The following SYT14 variants were observed in gnomAD, a reference collection of about 807,000 sequenced individuals.
SYT14 encodes synaptotagmin 14, also known as synaptotagmin-14.
In SYT14, 32 loss-of-function variants were observed where a neutral mutation model predicts 74.2. That is an observed-to-expected ratio of 0.43 (90% CI 0.33 to 0.58). The LOEUF (loss-of-function observed/expected upper bound fraction) is 0.58, where lower values mean the gene tolerates loss of function less well. Ranked by LOEUF, SYT14 falls within the 20% of genes least tolerant of loss-of-function variation. The pLI is 0.05. For missense variants in SYT14, 791 were observed against 981.8 expected, an observed-to-expected ratio of 0.81 and a Z score of 2.60; for synonymous variants, 298 against 337.7, an observed-to-expected ratio of 0.88 and a Z score of 1.29.
intron 7 of SYT14, among the ~76,000 whole-genome samples, chr1:210,144,619 G>C (rs1456785540): frequency 6.6e-6 from 1 of 151,862 alleles, no homozygotes; most frequent in East Asian, 1.9e-4. Context: ...ACCACTGTTG[G>C]AAAACCAATA....
At chr1:210,161,059 G>GC in exon 10 of SYT14, 1 of 1,612,258 alleles carries the variant, frequency 6.2e-7, no homozygotes, top group Non-Finnish European at 8.5e-7. Flanking sequence ...GAATAAGCAA[G>GC]CAGTTACCAT....
At chr1:210,017,166 A>C in intron 4 of SYT14, 2 of 1,103,096 alleles carry the variant, frequency 1.8e-6, no homozygotes, top group Non-Finnish European at 2.3e-6. Context: ...TTAGTAAAAC[A>C]TCATCCAAAT....
At chr1:209,969,880 T>A (rs950609336) in intron 2 of SYT14, among the ~76,000 whole-genome samples, 2 of 152,178 alleles carry the variant, frequency 1.3e-5, no homozygotes, top group South Asian at 4.1e-4. Context: ...AAGTGTCTGT[T>A]TATGTCTTTG....
At chr1:210,155,275 T>C (rs1281080768) in intron 7 of SYT14, among the ~76,000 whole-genome samples, 1 of 152,238 alleles carries the variant, frequency 6.6e-6, no homozygotes, top group Non-Finnish European at 1.5e-5. Context: ...TTTCAACTTT[T>C]CTATATCTCT....
At chr1:210,120,094 T>TTA (rs919782759) in intron 7 of SYT14, among the ~76,000 whole-genome samples, 6 of 152,188 alleles carry the variant, frequency 3.9e-5, no homozygotes, top group Non-Finnish European at 8.8e-5. Flanking sequence ...CTTTTTATAG[T>TTA]CAGTCACTTT....
At chr1:210,013,286 G>A (rs775726670) in intron 2 of SYT14, among the ~76,000 whole-genome samples, 10 of 151,918 alleles carry the variant, frequency 6.6e-5, no homozygotes, top group Non-Finnish European at 1.0e-4. Flanking sequence ...GGCCAGGCTC[G>A]TCTTGAGCTC....
At chr1:210,082,191 T>C (rs1246810435) in intron 5 of SYT14, among the ~76,000 whole-genome samples, 5 of 152,170 alleles carry the variant, frequency 3.3e-5, no homozygotes, top group Non-Finnish European at 5.9e-5. Flanking sequence ...GGTGCATATT[T>C]GAGTTTTAAG....
intron 1 of SYT14, among the ~76,000 whole-genome samples, chr1:209,950,489 C>CT (rs2078895025): frequency 6.6e-6 from 1 of 152,138 alleles, no homozygotes; most frequent in South Asian, 2.1e-4. Flanking sequence ...AGTTAGCACT[C>CT]TATTTTTCAC....
intron 2 of SYT14, among the ~76,000 whole-genome samples, chr1:210,003,183 C>G (rs573029694): frequency 6.6e-6 from 1 of 152,316 alleles, no homozygotes; most frequent in East Asian, 1.9e-4. Flanking sequence ...ATCCCTCACT[C>G]ACCCACTGCT....
At chr1:210,015,867 G>T in exon 4 of SYT14, 1 of 1,210,636 alleles carries the variant, frequency 8.3e-7, no homozygotes, top group Non-Finnish European at 1.0e-6. Flanking sequence ...AAGATTAAAA[G>T]CTACAATGTG....
chr1:210,124,914 C>G (rs546452430), intron 7 of SYT14, among the ~76,000 whole-genome samples: 2 of 150,836 alleles, frequency 1.3e-5, no homozygotes, highest in African/African-American at 4.9e-5. Context: ...GTTTGAGATT[C>G]TGTAGCATTC....
intron 8 of SYT14, among the ~76,000 whole-genome samples, chr1:210,157,126 T>C (rs1030195186): frequency 1.3e-5 from 2 of 152,148 alleles, no homozygotes; most frequent in East Asian, 1.9e-4. Context: ...TGCCATGTTT[T>C]ATTCCAAGAA....
intron 2 of SYT14, among the ~76,000 whole-genome samples, chr1:209,981,900 T>C (rs183886706): frequency 6.6e-6 from 1 of 152,192 alleles, no homozygotes; most frequent in East Asian, 1.9e-4. Flanking sequence ...GCCTTTAAGA[T>C]TTTTTTCTTT....
At chr1:210,003,542 A>T (rs2079937922) in intron 2 of SYT14, among the ~76,000 whole-genome samples, 1 of 152,108 alleles carries the variant, frequency 6.6e-6, no homozygotes, top group Non-Finnish European at 1.5e-5. Context: ...GATACTGTGT[A>T]ACAGGATCTA....
intron 5 of SYT14, among the ~76,000 whole-genome samples, chr1:210,087,320 G>C (rs2081755289): frequency 6.6e-6 from 1 of 152,180 alleles, no homozygotes; most frequent in African/African-American, 2.4e-5. Flanking sequence ...CTCAGGCTCT[G>C]ATATACTTCA....
At chr1:210,106,766 A>G (rs1334003990) in intron 7 of SYT14, among the ~76,000 whole-genome samples, 2 of 152,116 alleles carry the variant, frequency 1.3e-5, no homozygotes, top group Admixed American at 1.3e-4. Context: ...CAGCCAAACC[A>G]TATCATTCTG....
chr1:210,020,007 C>CA (rs2080269413), intron 4 of SYT14, among the ~76,000 whole-genome samples: 1 of 152,108 alleles, frequency 6.6e-6, no homozygotes, highest in Admixed American at 6.5e-5. Flanking sequence ...CTTTCACAAG[C>CA]AGTAAGTGTT....
At position 210,072,581 on chromosome 1, in the gene SYT14, G is replaced by T. The variant is rs1483439664; in HGVS notation, c.1313-21741G>T. Among the ~76,000 whole-genome samples the T allele has an allele frequency of 2.6e-5, 4 of 152,012 alleles. No homozygotes were observed. The East Asian group carries it at 7.7e-4, about 29-fold the overall frequency. ...TCTTAATCACAATTTGGACATGGGA[G>T]TACAGGAGTACACATTCATAAAAGA... On this transcript the variant is annotated intron_variant, in intron 5 of 9. Coordinates refer to ENST00000637265, the Ensembl canonical transcript of SYT14.
intron 7 of SYT14, among the ~76,000 whole-genome samples, chr1:210,147,344 A>G (rs913767051): frequency 1.2e-4 from 18 of 152,180 alleles, no homozygotes; most frequent in Non-Finnish European, 2.2e-4. Flanking sequence ...AGAATGTGAG[A>G]CTAGAGAAAA....
Sources: allele counts gnomAD v4.1 joint callset (sites outside exome capture counted in the v4.1 genomes callset), GRCh38; gene constraint gnomAD v4.1.1; transcripts MANE v1.5; gene names NCBI Gene and HGNC (gene_info 2026-07-23, HGNC 2026-07-21).